The following ZMIZ1 variants were observed in gnomAD, a reference collection of about 807,000 sequenced individuals.
ZMIZ1 encodes zinc finger MIZ domain-containing protein 1.
ZMIZ1 carries 17 observed loss-of-function variants against 113.9 expected under a neutral mutation model. The ratio of observed to expected loss-of-function variants is 0.15; its 90% confidence interval spans 0.10 to 0.22. ZMIZ1 has a LOEUF of 0.22. ZMIZ1 is among the 10% of genes least tolerant of loss of function. ZMIZ1 has a pLI of 1.00. For missense variants in ZMIZ1, 1,059 were observed against 1,477.8 expected (o/e 0.72, Z 4.65); for synonymous variants, 607 against 603.1 (o/e 1.01, Z -0.09).
chr10:79,300,592 A>C (rs1854227333), intron 16 of ZMIZ1, 140 bp from the exon 17 acceptor site: 2 of 1,073,190 alleles, frequency 1.9e-6, no homozygotes, highest in Admixed American at 4.7e-5. Flanking sequence ...AGGCTGGGGG[A>C]ATCATTGGGG....
chr10:79,281,972 A>G (rs1852766411), intron 8 of ZMIZ1, among the ~76,000 whole-genome samples: 1 of 152,166 alleles, frequency 6.6e-6, no homozygotes, highest in African/African-American at 2.4e-5. Context: ...ATCTGTTCTG[A>G]TCCACAGCTC....
chr10:79,145,771 G>T (rs557962676), intron 3 of ZMIZ1, among the ~76,000 whole-genome samples: 2 of 152,294 alleles, frequency 1.3e-5, no homozygotes, highest in South Asian at 2.1e-4. Context: ...AGGGTGGAGT[G>T]CAGTGGCTCA....
At chr10:79,232,743 C>T (rs1000258766) in intron 7 of ZMIZ1, among the ~76,000 whole-genome samples, 5 of 152,210 alleles carry the variant, frequency 3.3e-5, no homozygotes, top group Non-Finnish European at 7.3e-5. Flanking sequence ...TGCACATCCT[C>T]TCCTTTCAGC....
intron 3 of ZMIZ1, among the ~76,000 whole-genome samples, chr10:79,151,989 C>T (rs996435851): frequency 2.6e-5 from 4 of 152,214 alleles, no homozygotes; most frequent in African/African-American, 9.6e-5. Context: ...GGCTGCTCCA[C>T]CAGGTGATGG....
intron 2 of ZMIZ1, among the ~76,000 whole-genome samples, chr10:79,125,800 C>T (rs771829931): frequency 6.6e-5 from 10 of 152,242 alleles, no homozygotes; most frequent in Non-Finnish European, 1.2e-4. Flanking sequence ...CCACTCATGG[C>T]ACAGATGAGG....
At chr10:79,103,252 G>A (rs531012959) in intron 1 of ZMIZ1, among the ~76,000 whole-genome samples, 8 of 152,168 alleles carry the variant, frequency 5.3e-5, no homozygotes, top group South Asian at 2.1e-4. Flanking sequence ...GAGGGGGAGC[G>A]AGCAGAGCCA....
At chr10:79,176,196 T>C in intron 4 of ZMIZ1, among the ~76,000 whole-genome samples, 1 of 151,966 alleles carries the variant, frequency 6.6e-6, no homozygotes, top group East Asian at 1.9e-4. Flanking sequence ...CCTCTCGAAA[T>C]GTCATTAATA....
intron 7 of ZMIZ1, among the ~76,000 whole-genome samples, chr10:79,243,984 A>G (rs984376416): frequency 6.6e-6 from 1 of 152,208 alleles, no homozygotes; most frequent in African/African-American, 2.4e-5. Flanking sequence ...CACGGGGCAG[A>G]GTGCGCCCCC....
At chr10:79,311,446 A>AC (rs1482753805) in intron 24 of ZMIZ1, among the ~76,000 whole-genome samples, 1 of 151,726 alleles carries the variant, frequency 6.6e-6, no homozygotes, top group African/African-American at 2.4e-5. Flanking sequence ...CCACCTTCTG[A>AC]CCCAAGCCCT....
chr10:79,310,056 C>G (rs1221737017), intron 23 of ZMIZ1, among the ~76,000 whole-genome samples: 1 of 152,134 alleles, frequency 6.6e-6, no homozygotes. Context: ...TTTCAGTGCA[C>G]GTGCCCACAG....
intron 1 of ZMIZ1, among the ~76,000 whole-genome samples, chr10:79,071,301 C>T (rs1225643452): frequency 1.3e-5 from 2 of 152,210 alleles, no homozygotes; most frequent in African/African-American, 2.4e-5. Context: ...GTGCCGACTC[C>T]TCCTCCCTGG....
rs1167733945 is a variant in ZMIZ1, at chr10:79,118,449, A to G, written c.-336-466A>G. On this transcript the variant is annotated intron_variant, in intron 1 of 24. Transcript: ENST00000334512. The surrounding 1 kb of genome is among the most constrained non-coding windows in gnomAD (Gnocchi z 4.1). Reference sequence around the variant, plus strand: ...AGGAGGCAAGGTTGGCCAGGCGCACAGCCCACTGGAGATGAACAAGCAAGG... The same window carrying G: ...AGGAGGCAAGGTTGGCCAGGCGCACGGCCCACTGGAGATGAACAAGCAAGG... Among the ~76,000 whole-genome samples, 1 of 152,196 alleles carries G rather than the reference A, an allele frequency of 6.6e-6. No individual in the cohort carries two copies. Among genetic ancestry groups the G allele is most frequent in the Non-Finnish European group, 1.5e-5 (1 of 68,036 alleles).
At chr10:79,245,178 C>T (rs114004318) in intron 7 of ZMIZ1, among the ~76,000 whole-genome samples, 17 of 152,348 alleles carry the variant, frequency 1.1e-4, no homozygotes, top group African/African-American at 3.8e-4. Context: ...CTCCACTGCC[C>T]TGCACAGCCC....
intron 1 of ZMIZ1, among the ~76,000 whole-genome samples, chr10:79,078,605 T>C (rs1250705913): frequency 3.1e-5 from 4 of 128,156 alleles, no homozygotes; most frequent in African/African-American, 9.0e-5. Flanking sequence ...AGTGCAGTGG[T>C]GCAATCTCAG....
chr10:79,310,270 T>C (rs956002514), intron 23 of ZMIZ1, among the ~76,000 whole-genome samples: 7 of 152,168 alleles, frequency 4.6e-5, no homozygotes, highest in Non-Finnish European at 1.0e-4. Context: ...GGTGTGAAGA[T>C]GCCCCTGGCT....
At chr10:79,167,518 A>C (rs2132518013) in intron 4 of ZMIZ1, among the ~76,000 whole-genome samples, 1 of 152,314 alleles carries the variant, frequency 6.6e-6, no homozygotes, top group East Asian at 1.9e-4. Flanking sequence ...GGCACAGGGC[A>C]CTTGTCCTAA....
At chr10:79,197,097 G>C (rs754498424) in intron 4 of ZMIZ1, among the ~76,000 whole-genome samples, 1 of 152,246 alleles carries the variant, frequency 6.6e-6, no homozygotes, top group Non-Finnish European at 1.5e-5. Flanking sequence ...GTGGCCTGCC[G>C]ACAGCAGGAT....
chr10:79,077,309 C>G (rs1842505868), intron 1 of ZMIZ1, among the ~76,000 whole-genome samples: 1 of 152,234 alleles, frequency 6.6e-6, no homozygotes, highest in Non-Finnish European at 1.5e-5. Context: ...GGCACAGAGA[C>G]CTCTGGGAAG....
intron 4 of ZMIZ1, among the ~76,000 whole-genome samples, chr10:79,170,452 T>C (rs913892921): frequency 1.3e-5 from 2 of 152,176 alleles, no homozygotes; most frequent in African/African-American, 4.8e-5. Context: ...GCCCTAGGGA[T>C]AGATAGAGAA....
Sources: allele counts gnomAD v4.1 joint callset (sites outside exome capture counted in the v4.1 genomes callset), GRCh38; gene constraint gnomAD v4.1.1; non-coding constraint Gnocchi (gnomAD v3.1); transcripts MANE v1.5; gene names NCBI Gene and HGNC (gene_info 2026-07-23, HGNC 2026-07-21).